SEMA3E: variants seen among roughly 807,000 people sequenced by gnomAD.
SEMA3E encodes semaphorin 3E.
SEMA3E carries 49 observed loss-of-function variants against 93.6 expected under a neutral mutation model. The ratio of observed to expected loss-of-function variants is 0.52; its 90% CI spans 0.42 to 0.66. The LOEUF is 0.66. Among genes scored for constraint, SEMA3E ranks in the 30% least tolerant of loss-of-function variants. The probability of loss-of-function intolerance (pLI) is 0.00; values close to 1 mark genes in which losing one functional copy is unlikely to be tolerated. For synonymous variants in SEMA3E, 363 were observed against 330.7 expected (o/e 1.10, Z -1.06); for missense variants, 906 against 964.8 (o/e 0.94, Z 0.81).
intron 1 of SEMA3E, among the ~76,000 whole-genome samples, chr7:83,509,726 A>C (rs1190740367): frequency 6.6e-6 from 1 of 152,168 alleles, no homozygotes; most frequent in African/African-American, 2.4e-5. Context: ...CCTTGCCAAG[A>C]GAGTATGGCC....
In SEMA3E at chr7:83,469,235, A is replaced by C. The variant is rs1178179395; in HGVS notation, c.336+8T>G. ...TGATTTGTTTAATTTACAATGAATC[A>C]TACTTACCGCATCTTTTCCCTTCAT... On this transcript the variant is annotated splice_region_variant and intron_variant, in intron 3 of 16. Coordinates refer to ENST00000643230, the MANE Select transcript of SEMA3E (RefSeq NM_012431.3). 1 of 1,600,184 alleles carries C rather than the reference A, an allele frequency of 6.2e-7. No homozygotes were observed. Among genetic ancestry groups the C allele is most frequent in the Non-Finnish European group, 8.6e-7 (1 of 1,167,824 alleles).
intron 1 of SEMA3E, among the ~76,000 whole-genome samples, chr7:83,494,078 G>A (rs2115571672): frequency 6.6e-6 from 1 of 151,738 alleles, no homozygotes; most frequent in Admixed American, 6.6e-5. Context: ...TTTCCAAAAA[G>A]GATCTGAGAT....
At chr7:83,502,353 T>A (rs1217607151) in intron 1 of SEMA3E, among the ~76,000 whole-genome samples, 4 of 152,162 alleles carry the variant, frequency 2.6e-5, no homozygotes, top group Non-Finnish European at 5.9e-5. Context: ...CCCAACTCCT[T>A]TAGATTAAAA....
At position 83,444,673 on chromosome 7, in the gene SEMA3E, A is replaced by ATTT. The variant is rs397952833; in HGVS notation, c.456+21806_456+21808dup. ...AGGCTAGGAAGGCAGAATATTCAGCATTTTTTTTTTTTTTTGAGATGGAGT... is the reference window on the plus strand; with the variant it reads ...AGGCTAGGAAGGCAGAATATTCAGCATTTTTTTTTTTTTTTTTTGAGATGGAGT... On this transcript the variant is annotated intron_variant, in intron 4 of 16. Coordinates refer to ENST00000643230, the MANE Select transcript of SEMA3E (RefSeq NM_012431.3). Among the ~76,000 whole-genome samples the ATTT allele has an allele frequency of 4.3e-3, 605 of 142,280 alleles. 12 individuals carry two copies. Among genetic ancestry groups the ATTT allele is most frequent in the South Asian group, 0.026 (116 of 4,492 alleles). The allele number at this position is 142,280 out of a possible 152,430, so 93.3% of individuals were successfully genotyped here. A position where few individuals can be genotyped will look rare whatever the true frequency, so the allele number is the denominator to read the frequency against.
chr7:83,395,747 C>T (rs2115595821), intron 12 of SEMA3E, among the ~76,000 whole-genome samples: 1 of 145,288 alleles, frequency 6.9e-6, no homozygotes, highest in Middle Eastern at 3.5e-3. Flanking sequence ...TTCAAAAAAG[C>T]TGTGCTGTGC....
At chr7:83,457,741 A>G (rs1007353042) in intron 4 of SEMA3E, among the ~76,000 whole-genome samples, 4 of 152,108 alleles carry the variant, frequency 2.6e-5, no homozygotes, top group African/African-American at 9.7e-5. Flanking sequence ...CTCTGTTCAA[A>G]ACTCCATCGT....
intron 1 of SEMA3E, among the ~76,000 whole-genome samples, chr7:83,582,747 T>C (rs1792539941): frequency 6.6e-6 from 1 of 152,114 alleles, no homozygotes; most frequent in African/African-American, 2.4e-5. Flanking sequence ...ATAAATTTTC[T>C]TCTTTACATA....
intron 7 of SEMA3E, 95 bp from the exon 8 acceptor site, chr7:83,406,154 A>C: frequency 2.2e-6 from 2 of 895,298 alleles, no homozygotes; most frequent in South Asian, 1.3e-5. Flanking sequence ...AAGAGTTATG[A>C]CTTTTTTATT....
At chr7:83,631,670 T>C (rs937884234) in intron 1 of SEMA3E, among the ~76,000 whole-genome samples, 10 of 152,188 alleles carry the variant, frequency 6.6e-5, no homozygotes, top group African/African-American at 2.4e-4. Context: ...ACTACACATA[T>C]GATCTACATT....
chr7:83,405,222 T>C (rs1788303666), intron 9 of SEMA3E, among the ~76,000 whole-genome samples: 1 of 152,044 alleles, frequency 6.6e-6, no homozygotes, highest in Non-Finnish European at 1.5e-5. Flanking sequence ...CACAGGAGGA[T>C]TCTGGGTACT....
chr7:83,632,053 G>A (rs1052711691), intron 1 of SEMA3E, among the ~76,000 whole-genome samples: 2 of 151,884 alleles, frequency 1.3e-5, no homozygotes, highest in Non-Finnish European at 2.9e-5. Context: ...TAGTCAGGAG[G>A]TTGAGGCAGG....
rs60452250 is a variant in SEMA3E, at chr7:83,387,880, T to TTA, written c.1668-832_1668-831dup. Among the ~76,000 whole-genome samples, 212 of 145,082 alleles carry TTA rather than the reference T, an allele frequency of 1.5e-3. 1 individual carries two copies. The highest frequency in any genetic ancestry group is 2.5e-3 in the Non-Finnish European group (169 of 66,706). ...TATATATATAACATTATATATATGT[T>TTA]TATATATATATAACATTATATATAT... On this transcript the variant is annotated intron_variant, in intron 14 of 16. Coordinates refer to ENST00000643230, the MANE Select transcript of SEMA3E (RefSeq NM_012431.3).
At chr7:83,495,623 T>G (rs2115577625) in intron 1 of SEMA3E, among the ~76,000 whole-genome samples, 1 of 152,054 alleles carries the variant, frequency 6.6e-6, no homozygotes, top group African/African-American at 2.4e-5. Context: ...TATGTTCTTT[T>G]AATATGTTGA....
Position 83,457,046 on chromosome 7 carries a change from TTTC to T in SEMA3E, c.456+9433_456+9435del, listed in dbSNP as rs960850955. 2.6e-5 allele frequency among the ~76,000 whole-genome samples: 4 copies of T among 152,222 alleles called. No individual in the cohort carries two copies. In the East Asian group the frequency reaches 7.7e-4, roughly 29 times the overall value. ...TACTATTAACTATCATTTTAAAACTTTTCTTTTTCAAATGTAATTCGGATTTTG... is the reference window on the plus strand; with the variant it reads ...TACTATTAACTATCATTTTAAAACTTTTTTTCAAATGTAATTCGGATTTTG... On this transcript the variant is annotated intron_variant, in intron 4 of 16. Transcript: ENST00000643230.
At chr7:83,625,347 T>C (rs215251) in intron 1 of SEMA3E, among the ~76,000 whole-genome samples, 1 of 152,204 alleles carries the variant, frequency 6.6e-6, no homozygotes, top group Non-Finnish European at 1.5e-5. Context: ...TGATTCCTCC[T>C]ATCCATGAGC....
At chr7:83,607,878 G>A (rs1334823201) in intron 1 of SEMA3E, among the ~76,000 whole-genome samples, 3 of 152,096 alleles carry the variant, frequency 2.0e-5, no homozygotes, top group Non-Finnish European at 4.4e-5. Flanking sequence ...CTATTGAGGA[G>A]TTTTAATTAG....
intron 14 of SEMA3E, among the ~76,000 whole-genome samples, chr7:83,391,486 A>G (rs964781160): frequency 6.6e-6 from 1 of 152,208 alleles, no homozygotes; most frequent in Non-Finnish European, 1.5e-5. Flanking sequence ...GTTTTCAAAC[A>G]TCAACAAGCA....
At position 83,500,844 on chromosome 7, in the gene SEMA3E, C is replaced by T. The variant is rs147392582; in HGVS notation, c.116-10570G>A. Among the ~76,000 whole-genome samples, 419 of 152,080 alleles carry T rather than the reference C, an allele frequency of 2.8e-3. 2 individuals are homozygous for T. Among genetic ancestry groups the T allele is most frequent in the African/African-American group, 8.3e-3 (345 of 41,514 alleles). On this transcript the variant is annotated intron_variant, in intron 1 of 16. Transcript: ENST00000643230. ...AACCTCAAGTGATCCACCTGCCTCG[C>T]CCTCCCAAAGTCCTGGGAGTACAGG...
chr7:83,430,680 G>A (rs1042386721), intron 4 of SEMA3E, among the ~76,000 whole-genome samples: 2 of 152,066 alleles, frequency 1.3e-5, no homozygotes, highest in Admixed American at 1.3e-4. Context: ...GCCTGTCAGG[G>A]GCTGGGGGAG....
Sources: allele counts gnomAD v4.1 joint callset (sites outside exome capture counted in the v4.1 genomes callset), GRCh38; gene constraint gnomAD v4.1.1; transcripts MANE v1.5; gene names NCBI Gene and HGNC (gene_info 2026-07-23, HGNC 2026-07-21).